Variants in RBFOX1 observed in about 807,000 individuals in gnomAD.
The protein encoded by RBFOX1 is RNA binding protein fox-1 homolog 1.
Under a neutral mutation model 57.7 loss-of-function variants are expected in RBFOX1, and 8 were observed. That is an observed-to-expected ratio of 0.14 (90% confidence interval 0.08 to 0.25). The LOEUF is 0.25. RBFOX1 is among the 10% of genes least tolerant of loss of function. The pLI is 1.00. For missense variants in RBFOX1, 611 were observed against 548.5 expected, an observed-to-expected ratio of 1.11 and a Z score of -1.14; for synonymous variants, 326 against 222.4, an observed-to-expected ratio of 1.47 and a Z score of -4.15.
chr16:5,264,432 C>T (rs1296775431), intron 1 of RBFOX1, among the ~76,000 whole-genome samples: 1 of 151,788 alleles, frequency 6.6e-6, no homozygotes, highest in Non-Finnish European at 1.5e-5. Flanking sequence ...TTCTTTGGAC[C>T]GTCTGTATAA....
At chr16:7,681,385 G>T (rs1041104426) in intron 14 of RBFOX1, among the ~76,000 whole-genome samples, 1 of 152,110 alleles carries the variant, frequency 6.6e-6, no homozygotes, top group East Asian at 1.9e-4. Context: ...ATGCACAAAA[G>T]ATTGTACAAG....
chr16:6,061,336 G>T (rs957263455), intron 1 of RBFOX1, among the ~76,000 whole-genome samples: 29 of 152,066 alleles, frequency 1.9e-4, no homozygotes, highest in African/African-American at 6.5e-4. Flanking sequence ...CAACCAATGG[G>T]TGTAAGCGAC....
At chr16:7,410,147 C>T (rs920095735) in intron 4 of RBFOX1, among the ~76,000 whole-genome samples, 1 of 152,020 alleles carries the variant, frequency 6.6e-6, no homozygotes, top group East Asian at 1.9e-4. Flanking sequence ...ATAAATGTCA[C>T]TTTCCTACAG....
intron 3 of RBFOX1, among the ~76,000 whole-genome samples, chr16:5,709,809 T>TCATA (rs1555506306): frequency 6.9e-5 from 1 of 14,446 alleles, no homozygotes; most frequent in Non-Finnish European, 1.4e-4. Context: ...ATCAGTTTCT[T>TCATA]TATATATATA....
At chr16:6,484,827 A>C (rs115248248) in intron 2 of RBFOX1, among the ~76,000 whole-genome samples, 10 of 152,362 alleles carry the variant, frequency 6.6e-5, no homozygotes, top group Admixed American at 5.9e-4. Context: ...GAGTGTCTTC[A>C]CGTAGAAGAA....
At chr16:5,422,932 G>A (rs1184079372) in intron 1 of RBFOX1, among the ~76,000 whole-genome samples, 1 of 130,050 alleles carries the variant, frequency 7.7e-6, no homozygotes, top group Non-Finnish European at 1.6e-5. Flanking sequence ...GAAGGAGGAT[G>A]AGGGAGAGGG....
intron 2 of RBFOX1, among the ~76,000 whole-genome samples, chr16:6,582,078 A>C (rs1047183455): frequency 2.0e-5 from 3 of 152,194 alleles, no homozygotes; most frequent in African/African-American, 7.2e-5. Context: ...TCCCCACCCA[A>C]CAAAGAATTA....
chr16:7,554,275 A>G (rs1225590667), intron 5 of RBFOX1, among the ~76,000 whole-genome samples: 1 of 152,176 alleles, frequency 6.6e-6, no homozygotes, highest in Admixed American at 6.5e-5. Flanking sequence ...CATAGCAGGA[A>G]CCGTTCTTCA....
intron 4 of RBFOX1, among the ~76,000 whole-genome samples, chr16:7,260,217 AGTT>A (rs1390664049): frequency 6.6e-6 from 1 of 152,230 alleles, no homozygotes. Flanking sequence ...GCGTAATTAA[AGTT>A]GTTGCATATA....
At chr16:7,112,673 TGTGTGG>T (rs2065039457) in intron 4 of RBFOX1, among the ~76,000 whole-genome samples, 1 of 149,032 alleles carries the variant, frequency 6.7e-6, no homozygotes, top group Non-Finnish European at 1.5e-5. Context: ...TCTGTGTGTG[TGTGTGG>T]GTGTGGGTGT....
chr16:5,659,023 A>C (rs2049557362), intron 3 of RBFOX1, among the ~76,000 whole-genome samples: 1 of 152,006 alleles, frequency 6.6e-6, no homozygotes, highest in Admixed American at 6.6e-5. Flanking sequence ...GTAGATACCC[A>C]GTGGTGGGAT....
At chr16:5,860,167 C>G (rs2057176404) in intron 3 of RBFOX1, among the ~76,000 whole-genome samples, 1 of 152,154 alleles carries the variant, frequency 6.6e-6, no homozygotes, top group South Asian at 2.1e-4. Context: ...ACTGCAACCT[C>G]CGCCTCCTGG....
At chr16:5,537,269 T>C (rs2044738281) in intron 2 of RBFOX1, among the ~76,000 whole-genome samples, 1 of 152,188 alleles carries the variant, frequency 6.6e-6, no homozygotes. Context: ...ATTCTTTTAG[T>C]TTCTCCCCAT....
chr16:7,379,650 G>A (rs1444692057), intron 4 of RBFOX1, among the ~76,000 whole-genome samples: 1 of 152,114 alleles, frequency 6.6e-6, no homozygotes, highest in African/African-American at 2.4e-5. Flanking sequence ...CATCTCAGGA[G>A]GGTTTTAGAC....
chr16:6,871,959 G>GTGTGTC lies in RBFOX1; in HGVS notation c.-15-180095_-15-180094insGTCTGT, dbSNP rs879908471. 1.6e-3 allele frequency among the ~76,000 whole-genome samples: 199 copies of GTGTGTC among 126,352 alleles called. 2 individuals carry two copies. The highest frequency in any genetic ancestry group is 9.3e-3 in the Middle Eastern group (2 of 216). 82.9% of individuals were successfully genotyped at this position (126,352 alleles called of 152,430 possible). ...TGTGTGTGTGTGTGTGTGTGTGTGT[G>GTGTGTC]TGTTTCCCTCGGTAGAGTATGGGGA... On this transcript the variant is annotated intron_variant, in intron 3 of 15. Coordinates refer to ENST00000550418, the MANE Select transcript of RBFOX1 (RefSeq NM_018723.4).
chr16:7,126,814 C>T (rs989457671), intron 4 of RBFOX1, among the ~76,000 whole-genome samples: 6 of 151,954 alleles, frequency 3.9e-5, no homozygotes, highest in African/African-American at 9.7e-5. Context: ...TTCTTTTAGC[C>T]TGGCCAATAC....
intron 4 of RBFOX1, among the ~76,000 whole-genome samples, chr16:7,189,535 A>T (rs1289347746): frequency 6.9e-6 from 1 of 144,058 alleles, no homozygotes; most frequent in Admixed American, 6.9e-5. Flanking sequence ...CCCCCACTCC[A>T]AAACACTATG....
At chr16:7,200,841 C>A (rs1004942923) in intron 4 of RBFOX1, among the ~76,000 whole-genome samples, 2 of 152,084 alleles carry the variant, frequency 1.3e-5, no homozygotes, top group African/African-American at 2.4e-5. Flanking sequence ...GCTTTCTCCG[C>A]GCTGTTGTAT....
intron 3 of RBFOX1, among the ~76,000 whole-genome samples, chr16:6,940,887 GTGTT>G (rs1385802209): frequency 7.3e-6 from 1 of 137,750 alleles, no homozygotes; most frequent in African/African-American, 2.9e-5. Flanking sequence ...GTGTGTGTGT[GTGTT>G]AGAGATGGGG....
Sources: allele counts gnomAD v4.1 joint callset (sites outside exome capture counted in the v4.1 genomes callset), GRCh38; gene constraint gnomAD v4.1.1; transcripts MANE v1.5; gene names NCBI Gene and HGNC (gene_info 2026-07-23, HGNC 2026-07-21).